Variants in CRPPA observed in about 807,000 individuals in gnomAD.
The protein encoded by CRPPA is D-ribitol-5-phosphate cytidylyltransferase.
A neutral mutation model predicts 52.0 loss-of-function variants in CRPPA; 43 were observed. The ratio of observed to expected loss-of-function variants is 0.83; its 90% CI spans 0.65 to 1.07. The LOEUF is 1.07. Ranked by LOEUF, CRPPA falls within the 50% of genes least tolerant of loss-of-function variation. The pLI is 0.00. For missense variants in CRPPA, 629 were observed against 551.7 expected (o/e 1.14, Z -1.40); for synonymous variants, 250 against 203.5 (o/e 1.23, Z -1.94).
intron 5 of CRPPA, among the ~76,000 whole-genome samples, chr7:16,297,570 C>T (rs1006662235): frequency 6.6e-6 from 1 of 152,134 alleles, no homozygotes; most frequent in Non-Finnish European, 1.5e-5. Flanking sequence ...TTCTTTCCAC[C>T]TTCATTGAAT....
chr7:16,340,676 C>T (rs374457008), intron 3 of CRPPA, among the ~76,000 whole-genome samples: 4 of 151,140 alleles, frequency 2.6e-5, no homozygotes, highest in African/African-American at 9.7e-5. Context: ...AATAGTACAT[C>T]CACTTTGGAA....
intron 8 of CRPPA, among the ~76,000 whole-genome samples, chr7:16,232,907 TAGAACTA>T (rs1188498057): frequency 2.0e-5 from 3 of 152,106 alleles, no homozygotes; most frequent in Non-Finnish European, 2.9e-5. Context: ...ACACCAATAT[TAGAACTA>T]AGAACATTAA....
Position 16,091,540 on chromosome 7 carries a change from T to C in CRPPA, c.*155A>G, listed in dbSNP as rs1781837043. Reference sequence around the variant, plus strand: ...TTCTTTATTTCACAGATATAAACATTAATCTGCTTTATAATCTAAGCATCA... The same window carrying C: ...TTCTTTATTTCACAGATATAAACATCAATCTGCTTTATAATCTAAGCATCA... On this transcript the variant is annotated 3_prime_UTR_variant, in exon 10 of 10. Coordinates refer to ENST00000407010, the MANE Select transcript of CRPPA (RefSeq NM_001101426.4). 3.6e-6 allele frequency: 2 copies of C among 550,648 alleles called. No homozygotes were observed. Among genetic ancestry groups the C allele is most frequent in the Non-Finnish European group, 6.3e-6 (2 of 318,778 alleles). 34.1% of individuals were successfully genotyped at this position (550,648 alleles called of 1,614,324 possible).
At chr7:16,140,119 A>G (rs1236284408) in intron 9 of CRPPA, among the ~76,000 whole-genome samples, 1 of 152,196 alleles carries the variant, frequency 6.6e-6, no homozygotes, top group African/African-American at 2.4e-5. Context: ...TATTTATGTT[A>G]TTATAAATAC....
chr7:16,255,085 C>A (rs1464463465), intron 8 of CRPPA, among the ~76,000 whole-genome samples: 6 of 152,318 alleles, frequency 3.9e-5, no homozygotes, highest in East Asian at 3.9e-4. Flanking sequence ...TAAGCAACTT[C>A]AGCAAAGTCT....
At chr7:16,380,223 C>A (rs1292626686) in intron 2 of CRPPA, among the ~76,000 whole-genome samples, 4 of 151,326 alleles carry the variant, frequency 2.6e-5, no homozygotes, top group Admixed American at 1.3e-4. Flanking sequence ...TTGTCAAAGG[C>A]CTTTTCTGCA....
intron 8 of CRPPA, among the ~76,000 whole-genome samples, chr7:16,239,154 A>AAAAAAAAAAAAAAAC (rs1783034295): frequency 2.6e-5 from 4 of 150,970 alleles, no homozygotes; most frequent in South Asian, 2.1e-4. Flanking sequence ...AAAAAAAAAA[A>AAAAAAAAAAAAAAAC]AAAGCCATTT....
intron 8 of CRPPA, among the ~76,000 whole-genome samples, chr7:16,222,877 GTGTATTGA>G (rs1288888111): frequency 2.6e-5 from 4 of 152,128 alleles, no homozygotes; most frequent in Non-Finnish European, 5.9e-5. Context: ...TGCATAGAAT[GTGTATTGA>G]TCAAGTCAGT....
intron 9 of CRPPA, among the ~76,000 whole-genome samples, chr7:16,180,283 A>G (rs1781383951): frequency 6.6e-6 from 1 of 152,112 alleles, no homozygotes; most frequent in Non-Finnish European, 1.5e-5. Context: ...TAATGCTAAT[A>G]TACAGATAGG....
Position 16,121,793 on chromosome 7 carries a change from C to T in CRPPA, c.1252-29994G>A, listed in dbSNP as rs74316895. On this transcript the variant is annotated intron_variant, in intron 9 of 9. Coordinates refer to ENST00000407010, the MANE Select transcript of CRPPA (RefSeq NM_001101426.4). ...AAAAACAAATACCAGAATCAAGTTG[C>T]TAAAGCAAAGGCAAAAATAAAAATT... Among the ~76,000 whole-genome samples the T allele has an allele frequency of 8.3e-3, 1,267 of 152,126 alleles. 17 individuals carry two copies. Among genetic ancestry groups the T allele is most frequent in the African/African-American group, 0.029 (1,198 of 41,538 alleles).
intron 9 of CRPPA, among the ~76,000 whole-genome samples, chr7:16,092,127 A>G (rs775622167): frequency 6.6e-6 from 1 of 152,328 alleles, no homozygotes; most frequent in South Asian, 2.1e-4. Flanking sequence ...TATTTCATCA[A>G]TGATGCAATC....
At chr7:16,181,784 T>A (rs1394647598) in intron 9 of CRPPA, among the ~76,000 whole-genome samples, 1 of 152,036 alleles carries the variant, frequency 6.6e-6, no homozygotes, top group Non-Finnish European at 1.5e-5. Flanking sequence ...TTTTATGCTT[T>A]AAAATAGAAA....
chr7:16,242,401 G>C (rs1783141038), intron 8 of CRPPA, among the ~76,000 whole-genome samples: 1 of 152,134 alleles, frequency 6.6e-6, no homozygotes, highest in Admixed American at 6.5e-5. Flanking sequence ...GTAGAAAACA[G>C]AGAACTGGAT....
At chr7:16,168,466 G>A (rs974772390) in intron 9 of CRPPA, among the ~76,000 whole-genome samples, 3 of 151,708 alleles carry the variant, frequency 2.0e-5, no homozygotes, top group Non-Finnish European at 4.4e-5. Context: ...CCTAGCATCA[G>A]TGTTTTCAGT....
chr7:16,215,750 C>A (rs925142986), intron 9 of CRPPA, among the ~76,000 whole-genome samples: 2 of 152,050 alleles, frequency 1.3e-5, no homozygotes, highest in African/African-American at 4.8e-5. Flanking sequence ...ACAAACTTAA[C>A]AAAAAGTATT....
chr7:16,226,746 T>C (rs1782662431), intron 8 of CRPPA, among the ~76,000 whole-genome samples: 1 of 151,938 alleles, frequency 6.6e-6, no homozygotes, highest in Admixed American at 6.6e-5. Context: ...GAAGCATACA[T>C]TAGTTATGGA....
chr7:16,168,521 C>T (rs1207868574), intron 9 of CRPPA, among the ~76,000 whole-genome samples: 2 of 142,076 alleles, frequency 1.4e-5, no homozygotes, highest in Non-Finnish European at 3.0e-5. Flanking sequence ...ACATAAGACA[C>T]TGAGTGAAGT....
intron 3 of CRPPA, among the ~76,000 whole-genome samples, chr7:16,338,782 C>A (rs1247658102): frequency 1.3e-5 from 2 of 151,688 alleles, no homozygotes; most frequent in East Asian, 3.9e-4. Context: ...AAGCACCAGC[C>A]CCCAATGGGT....
At chr7:16,383,992 G>A (rs542131650) in intron 2 of CRPPA, among the ~76,000 whole-genome samples, 110 of 152,310 alleles carry the variant, frequency 7.2e-4, no homozygotes, top group African/African-American at 2.1e-3. Context: ...CGCACGGTGC[G>A]CTGCACTCAC....
Sources: allele counts gnomAD v4.1 joint callset (sites outside exome capture counted in the v4.1 genomes callset), GRCh38; gene constraint gnomAD v4.1.1; transcripts MANE v1.5; gene names NCBI Gene and HGNC (gene_info 2026-07-23, HGNC 2026-07-21).